Variants in RORA observed in about 807,000 individuals in gnomAD.
The protein encoded by RORA is RAR related orphan receptor A, also known as nuclear receptor ROR-alpha.
In RORA, 7 loss-of-function variants were observed where a neutral mutation model predicts 69.5. The ratio of observed to expected loss-of-function variants is 0.10; its 90% confidence interval spans 0.06 to 0.19. The LOEUF (loss-of-function observed/expected upper bound fraction) is 0.19. RORA is among the 10% of genes least tolerant of loss of function. RORA has a pLI of 1.00. For missense variants in RORA, 457 were observed against 663.0 expected (o/e 0.69, Z 3.41); for synonymous variants, 261 against 240.8 (o/e 1.08, Z -0.78).
intron 2 of RORA, among the ~76,000 whole-genome samples, chr15:60,578,595 A>T (rs2068096165): frequency 6.6e-6 from 1 of 152,176 alleles, no homozygotes; most frequent in African/African-American, 2.4e-5. Context: ...ACAATGACAC[A>T]AGTACTTTTC....
At position 60,590,200 on chromosome 15, in the gene RORA, T is replaced by TC. The variant is rs1555434789; in HGVS notation, c.197-58350_197-58349insG. Among the ~76,000 whole-genome samples, 69 of 151,748 alleles carry TC rather than the reference T, an allele frequency of 4.5e-4. No individual in the cohort carries two copies. The East Asian group carries it at 7.7e-3, about 17-fold the overall frequency. ...ATCTCTCTCTCTCTCTCTCTCTCTC[T>TC]TTCAGGCAGCTGAGTTTATAGAAAA... On this transcript the variant is annotated intron_variant, in intron 2 of 10. Coordinates refer to ENST00000335670, the MANE Select transcript of RORA (RefSeq NM_134261.3).
chr15:60,623,610 G>GTTA (rs2069479503), intron 2 of RORA, among the ~76,000 whole-genome samples: 1 of 152,158 alleles, frequency 6.6e-6, no homozygotes, highest in African/African-American at 2.4e-5. Context: ...ATAAGCACAA[G>GTTA]TGGCCTGGCT....
chr15:60,561,725 T>C (rs1438405846), intron 2 of RORA, among the ~76,000 whole-genome samples: 1 of 151,932 alleles, frequency 6.6e-6, no homozygotes, highest in Non-Finnish European at 1.5e-5. Flanking sequence ...AAAAGAAAAA[T>C]AGCTCAGAAC....
intron 1 of RORA, among the ~76,000 whole-genome samples, chr15:61,067,379 C>T (rs572558589): frequency 1.3e-5 from 2 of 152,272 alleles, no homozygotes; most frequent in East Asian, 1.9e-4. Context: ...GCTGGGATTA[C>T]AGGTGTGAAC....
At position 60,488,901 on chromosome 15, in the gene RORA, A is replaced by G. The variant is rs1259620219; in HGVS notation, c.*8554T>C. 6.6e-6 allele frequency: 1 copy of G among 152,264 alleles called. No homozygotes were observed. Among genetic ancestry groups the G allele is most frequent in the Non-Finnish European group, 1.5e-5 (1 of 68,042 alleles). The allele number at this position is 152,264 out of a possible 1,614,324, so 9.4% of individuals were successfully genotyped here. A position where few individuals can be genotyped will look rare whatever the true frequency, so the allele number is the denominator to read the frequency against. ...TGTGGTCTTTTTAAATGTGGCTTTA[A>G]TACTTGGTTGTAGAGGAGAATGTTA... is the stretch of plus-strand genomic sequence containing the variant. On this transcript the variant is annotated 3_prime_UTR_variant, in exon 11 of 11. Coordinates refer to ENST00000335670, the MANE Select transcript of RORA (RefSeq NM_134261.3).
chr15:60,744,255 C>T (rs988882311), intron 1 of RORA, among the ~76,000 whole-genome samples: 4 of 152,110 alleles, frequency 2.6e-5, no homozygotes, highest in Non-Finnish European at 4.4e-5. Context: ...ATATACGTTG[C>T]TTTTAAATTA....
chr15:61,210,037 T>C (rs535609004), intron 1 of RORA, among the ~76,000 whole-genome samples: 12 of 152,348 alleles, frequency 7.9e-5, no homozygotes, highest in African/African-American at 2.9e-4. Context: ...GTCTCGAAAC[T>C]GCTTCACTTT....
At chr15:60,704,668 T>C (rs1567162774) in intron 1 of RORA, among the ~76,000 whole-genome samples, 1 of 152,208 alleles carries the variant, frequency 6.6e-6, no homozygotes, top group Non-Finnish European at 1.5e-5. Flanking sequence ...AACGTAGAGA[T>C]AGAACTAAAG....
intron 1 of RORA, among the ~76,000 whole-genome samples, chr15:60,865,459 A>G (rs751412879): frequency 2.6e-5 from 4 of 152,326 alleles, no homozygotes; most frequent in Non-Finnish European, 4.4e-5. Flanking sequence ...CTTGGAGCCA[A>G]ATCTGCCTTA....
At chr15:61,100,009 T>C (rs1397529738) in intron 1 of RORA, among the ~76,000 whole-genome samples, 1 of 151,340 alleles carries the variant, frequency 6.6e-6, no homozygotes, top group South Asian at 2.1e-4. Flanking sequence ...CTAAATCTAA[T>C]AAAGTAGTCA....
intron 1 of RORA, among the ~76,000 whole-genome samples, chr15:60,696,248 G>T (rs2070902790): frequency 2.0e-5 from 3 of 152,244 alleles, no homozygotes; most frequent in Admixed American, 2.0e-4. Context: ...TGCACTCCAA[G>T]TACAGCCACG....
intron 2 of RORA, among the ~76,000 whole-genome samples, chr15:60,671,350 T>C (rs2070469155): frequency 6.6e-6 from 1 of 152,106 alleles, no homozygotes; most frequent in African/African-American, 2.4e-5. Flanking sequence ...TACATAGCTG[T>C]CCTAGAAGCA....
At chr15:60,957,718 A>G (rs577207224) in intron 1 of RORA, among the ~76,000 whole-genome samples, 1 of 152,338 alleles carries the variant, frequency 6.6e-6, no homozygotes, top group East Asian at 1.9e-4. Context: ...GGTAAGAGCT[A>G]GTTAGCTAGA....
intron 1 of RORA, among the ~76,000 whole-genome samples, chr15:61,027,949 G>C (rs138941186): frequency 2.0e-5 from 3 of 152,154 alleles, no homozygotes; most frequent in African/African-American, 7.2e-5. Context: ...AGTGTTCCAC[G>C]AAGGGTAGCT....
intron 1 of RORA, among the ~76,000 whole-genome samples, chr15:60,711,993 A>G (rs1343010302): frequency 4.3e-5 from 6 of 140,310 alleles, no homozygotes; most frequent in East Asian, 1.9e-4. Flanking sequence ...CTATTTTGTG[A>G]TACGTAGTCT....
intron 1 of RORA, among the ~76,000 whole-genome samples, chr15:60,883,126 G>A (rs1165528638): frequency 2.6e-4 from 8 of 31,022 alleles, no homozygotes; most frequent in Admixed American, 5.3e-4. Flanking sequence ...GAGAGACATC[G>A]TCTCAAAAAA....
At chr15:60,893,946 G>A (rs112330482) in intron 1 of RORA, among the ~76,000 whole-genome samples, 8 of 152,282 alleles carry the variant, frequency 5.3e-5, no homozygotes, top group East Asian at 1.9e-4. Context: ...CAAGTCCCCC[G>A]TCTGGGCCCC....
intron 1 of RORA, among the ~76,000 whole-genome samples, chr15:60,758,555 T>C (rs80081713): frequency 6.6e-6 from 1 of 152,070 alleles, no homozygotes; most frequent in African/African-American, 2.4e-5. Context: ...TCAAATACAG[T>C]TGGGGAGTGG....
At chr15:61,139,319 C>T (rs1384962353) in intron 1 of RORA, among the ~76,000 whole-genome samples, 1 of 152,160 alleles carries the variant, frequency 6.6e-6, no homozygotes, top group African/African-American at 2.4e-5. Context: ...CAATCACCAT[C>T]GTTCCACGGA....
Sources: gnomAD v4.1 joint callset for allele counts (sites outside exome capture counted in the v4.1 genomes callset) on GRCh38, gnomAD v4.1.1 for gene constraint, MANE v1.5 for transcripts, NCBI Gene and HGNC (gene_info 2026-07-23, HGNC 2026-07-21) for gene names.